Variants in ANKS1B observed in about 807,000 individuals in gnomAD.
ANKS1B encodes the protein ankyrin repeat and sterile alpha motif domain-containing protein 1B.
Under a neutral mutation model 148.3 loss-of-function variants are expected in ANKS1B, and 36 were observed. That is an observed-to-expected ratio of 0.24 (90% confidence interval 0.19 to 0.32). The LOEUF (loss-of-function observed/expected upper bound fraction) is 0.32. Among genes scored for constraint, ANKS1B ranks in the 10% least tolerant of loss-of-function variants. ANKS1B has a pLI of 1.00. For synonymous variants in ANKS1B, 542 were observed against 560.8 expected (o/e 0.97, Z 0.47); for missense variants, 1,157 against 1,542.6 (o/e 0.75, Z 4.19).
chr12:98,760,314 G>C (rs1163923050), intron 25 of ANKS1B, among the ~76,000 whole-genome samples: 1 of 151,840 alleles, frequency 6.6e-6, no homozygotes, highest in African/African-American at 2.4e-5. Flanking sequence ...GTCCAGGCTG[G>C]AGTGCAGTGG....
intron 1 of ANKS1B, among the ~76,000 whole-genome samples, chr12:99,977,665 T>C (rs7296749): frequency 9.2e-5 from 14 of 152,180 alleles, no homozygotes; most frequent in African/African-American, 3.4e-4. Flanking sequence ...AGTAGACTCT[T>C]AAGAAAAGTT....
At chr12:99,547,099 T>C (rs1183405906) in intron 9 of ANKS1B, among the ~76,000 whole-genome samples, 1 of 151,790 alleles carries the variant, frequency 6.6e-6, no homozygotes, top group East Asian at 1.9e-4. Context: ...GAGAGGGAAA[T>C]TCCAAGAACA....
chr12:98,813,845 G>A lies in ANKS1B; in HGVS notation c.3067-5927C>T, dbSNP rs148196807. Among the ~76,000 whole-genome samples, 712 of 151,584 alleles carry A rather than the reference G, an allele frequency of 4.7e-3. 8 individuals carry two copies. The highest frequency in any genetic ancestry group is 0.027 in the South Asian group (128 of 4,790). On this transcript the variant is annotated intron_variant, in intron 19 of 26. Transcript: ENST00000683438. ...GCTGGGATTACAGGCATGAGCCACCGCACCTGGCCAAATTAAACTATTTTG... is the reference window on the plus strand; with the variant it reads ...GCTGGGATTACAGGCATGAGCCACCACACCTGGCCAAATTAAACTATTTTG...
intron 1 of ANKS1B, among the ~76,000 whole-genome samples, chr12:99,830,397 G>A (rs985729579): frequency 2.0e-5 from 3 of 151,930 alleles, no homozygotes; most frequent in African/African-American, 7.2e-5. Context: ...AATCTCTATG[G>A]AATATTTTAC....
intron 14 of ANKS1B, among the ~76,000 whole-genome samples, chr12:99,219,429 C>T (rs74460007): frequency 9.3e-4 from 142 of 152,070 alleles, no homozygotes; most frequent in African/African-American, 3.1e-3. Context: ...TGATAAGCAC[C>T]GACAAAGAAA....
At chr12:99,381,418 T>G (rs1043375024) in intron 12 of ANKS1B, among the ~76,000 whole-genome samples, 6 of 152,144 alleles carry the variant, frequency 3.9e-5, no homozygotes, top group African/African-American at 1.2e-4. Context: ...CAACGCACTG[T>G]GTAGAATGAG....
intron 17 of ANKS1B, among the ~76,000 whole-genome samples, chr12:98,985,023 T>C (rs1395661366): frequency 6.6e-6 from 1 of 152,108 alleles, no homozygotes; most frequent in Non-Finnish European, 1.5e-5. Flanking sequence ...AATCAATGAA[T>C]AGATAAACAA....
At chr12:99,021,249 T>A (rs2099945635) in intron 17 of ANKS1B, among the ~76,000 whole-genome samples, 1 of 152,076 alleles carries the variant, frequency 6.6e-6, no homozygotes, top group Admixed American at 6.6e-5. Flanking sequence ...CTTATTGACT[T>A]GGGAGAGTTT....
chr12:99,703,676 C>A (rs932419591), intron 8 of ANKS1B, among the ~76,000 whole-genome samples: 1 of 152,052 alleles, frequency 6.6e-6, no homozygotes, highest in Admixed American at 6.6e-5. Flanking sequence ...CTGTTTTGTT[C>A]TCTACTCCCA....
chr12:99,557,501 C>T (rs911204324), intron 9 of ANKS1B, among the ~76,000 whole-genome samples: 7 of 152,242 alleles, frequency 4.6e-5, no homozygotes, highest in East Asian at 3.9e-4. Context: ...GAGTTTTTCA[C>T]CTCTATCAGA....
intron 9 of ANKS1B, among the ~76,000 whole-genome samples, chr12:99,522,658 C>T (rs187615522): frequency 1.3e-5 from 2 of 152,158 alleles, no homozygotes; most frequent in East Asian, 3.9e-4. Flanking sequence ...CATCATGGAG[C>T]TATGTGGATT....
chr12:99,463,402 C>A (rs368410163), intron 10 of ANKS1B, among the ~76,000 whole-genome samples: 3 of 152,160 alleles, frequency 2.0e-5, no homozygotes, highest in Non-Finnish European at 4.4e-5. Flanking sequence ...TCTGAGGTAC[C>A]GGGTTCATCT....
intron 12 of ANKS1B, among the ~76,000 whole-genome samples, chr12:99,389,120 G>A (rs1328070863): frequency 6.6e-6 from 1 of 152,208 alleles, no homozygotes; most frequent in African/African-American, 2.4e-5. Context: ...GATTTGAAGA[G>A]TTGAGGTCAC....
intron 19 of ANKS1B, among the ~76,000 whole-genome samples, chr12:98,828,117 C>T (rs2099265340): frequency 6.6e-6 from 1 of 152,092 alleles, no homozygotes; most frequent in African/African-American, 2.4e-5. Flanking sequence ...CCAACATTGC[C>T]ATTGCCTGCA....
chr12:99,464,002 G>C (rs1430262442), intron 10 of ANKS1B, among the ~76,000 whole-genome samples: 2 of 152,180 alleles, frequency 1.3e-5, no homozygotes, highest in Non-Finnish European at 2.9e-5. Flanking sequence ...GTGGGTCCCT[G>C]ACCCCTGACC....
chr12:99,380,040 G>T (rs1373916228), intron 12 of ANKS1B, among the ~76,000 whole-genome samples: 2 of 152,192 alleles, frequency 1.3e-5, no homozygotes, highest in African/African-American at 4.8e-5. Context: ...GTGGGAAAAT[G>T]AGGCACTTCC....
chr12:99,287,995 T>C (rs1407241931), intron 12 of ANKS1B, among the ~76,000 whole-genome samples: 3 of 152,160 alleles, frequency 2.0e-5, no homozygotes, highest in Non-Finnish European at 4.4e-5. Context: ...GTTGAAAGTT[T>C]ATTCAAAGGG....
intron 1 of ANKS1B, among the ~76,000 whole-genome samples, chr12:99,832,929 A>G (rs910550878): frequency 6.6e-6 from 1 of 152,204 alleles, no homozygotes; most frequent in Admixed American, 6.5e-5. Context: ...CAAAACATAT[A>G]AAGTGAAAAA....
chr12:99,779,986 A>AAAAAG lies in ANKS1B; in HGVS notation c.746-15_746-14insCTTTT, dbSNP rs1306307424. The AAAAAG allele has an allele frequency of 5.7e-6, 9 of 1,568,626 alleles. No individual in the cohort carries two copies. Among genetic ancestry groups the AAAAAG allele is most frequent in the Non-Finnish European group, 7.9e-6 (9 of 1,142,950 alleles). ...TGGCATCAATTCCTGAAAGAAAAAG[A>AAAAAG]AAAACTCACTAGATATACACCACTG... On this transcript the variant is annotated splice_polypyrimidine_tract_variant and intron_variant, in intron 5 of 26. Coordinates refer to ENST00000683438, the MANE Select transcript of ANKS1B (RefSeq NM_001352186.2).
Sources: allele counts gnomAD v4.1 joint callset (sites outside exome capture counted in the v4.1 genomes callset), GRCh38; gene constraint gnomAD v4.1.1; transcripts MANE v1.5; gene names NCBI Gene and HGNC (gene_info 2026-07-23, HGNC 2026-07-21).